The following DIPK1B variants were observed in gnomAD, a reference collection of about 807,000 sequenced individuals.
The protein encoded by DIPK1B is divergent protein kinase domain 1B, also known as family with sequence similarity 69 member B.
In DIPK1B, 17 loss-of-function variants were observed where a neutral mutation model predicts 20.7. That is an observed-to-expected ratio of 0.82 (90% CI 0.56 to 1.23). DIPK1B has a LOEUF of 1.23. DIPK1B is among the 50% of genes most tolerant of loss of function. DIPK1B has a pLI of 0.00. For missense variants in DIPK1B, 648 were observed against 601.8 expected (o/e 1.08, Z -0.80); for synonymous variants, 343 against 276.5 (o/e 1.24, Z -2.39).
In DIPK1B at chr9:136,723,935, C is replaced by T; in HGVS notation, c.*161C>T. ...GATTCCAGCACCACAGACATGAGAC[C>T]CCAGCTCGGAGCAAAGGCGGACATG... On this transcript the variant is annotated 3_prime_UTR_variant, in exon 5 of 5. Transcript: ENST00000371692. The T allele has an allele frequency of 1.3e-6, 1 of 749,770 alleles. No individual in the cohort carries two copies. Among genetic ancestry groups the T allele is most frequent in the South Asian group, 1.9e-5 (1 of 53,780 alleles). The allele number at this position is 749,770 out of a possible 1,614,324, so 46.4% of individuals were successfully genotyped here. A position where few individuals can be genotyped will look rare whatever the true frequency, so the allele number is the denominator to read the frequency against.
chr9:136,724,102 G>T lies in DIPK1B; in HGVS notation c.*328G>T. On this transcript the variant is annotated 3_prime_UTR_variant, in exon 5 of 5. Coordinates refer to ENST00000371692, the MANE Select transcript of DIPK1B (RefSeq NM_152421.4). ...GTGTGGGACCCTTCGCCCCGCTGTGGATCCACCCAGCCCAGGCACTCAGGC... is the reference window on the plus strand; with the variant it reads ...GTGTGGGACCCTTCGCCCCGCTGTGTATCCACCCAGCCCAGGCACTCAGGC... The T allele has an allele frequency of 3.1e-6, 1 of 326,010 alleles. No homozygotes were observed. Among genetic ancestry groups the T allele is most frequent in the Non-Finnish European group, 5.8e-6 (1 of 172,722 alleles). 20.2% of individuals were successfully genotyped at this position (326,010 alleles called of 1,614,324 possible).
chr9:136,723,067 G>A lies in DIPK1B; in HGVS notation c.589G>A (p.Val197Met), dbSNP rs150233867. The stretch of plus-strand genomic sequence containing the variant: ...GGTGTCCCTGGCGGAAGCCAAGTCC[G>A]TGTGGGCCCTGCTGCAGCGTAACGA... ...NRVSLAEAKS[V>M]WALLQRNEFL... The change falls in exon 5 of 5, where the codon GTG (valine) becomes ATG (methionine). Residue 197 changes from valine (V) to methionine (M), a missense_variant. By Grantham distance (21) the Val-to-Met change is conservative. Coordinates refer to ENST00000371692, the MANE Select transcript of DIPK1B (RefSeq NM_152421.4). 5.6e-5 allele frequency: 90 copies of A among 1,613,458 alleles called. No homozygotes were observed. Among genetic ancestry groups the A allele is most frequent in the Admixed American group, 1.5e-4 (9 of 60,008 alleles).
chr9:136,720,064 G>C (rs1430826029), intron 2 of DIPK1B, among the ~76,000 whole-genome samples: 1 of 151,370 alleles, frequency 6.6e-6, no homozygotes, highest in Non-Finnish European at 1.5e-5. Context: ...GGGTGCAGGG[G>C]GCTGGTCTGG....
intron 2 of DIPK1B, among the ~76,000 whole-genome samples, 196 bp downstream of exon 2, chr9:136,717,907 C>G (rs564658550): frequency 3.8e-4 from 38 of 99,772 alleles, no homozygotes; most frequent in African/African-American, 1.4e-3. Context: ...GGGAGACGTG[C>G]GGGGCTGCCT....
intron 2 of DIPK1B, among the ~76,000 whole-genome samples, chr9:136,720,478 C>T (rs113446810): frequency 2.0e-5 from 3 of 152,106 alleles, no homozygotes; most frequent in Non-Finnish European, 2.9e-5. Flanking sequence ...TCTCCCCCCC[C>T]CAGAGGGGCG....
chr9:136,713,418 C>T (rs1483138793), intron 1 of DIPK1B, among the ~76,000 whole-genome samples: 1 of 152,222 alleles, frequency 6.6e-6, no homozygotes, highest in Admixed American at 6.5e-5. Flanking sequence ...ATCTCCCCGG[C>T]CCCCGCAGGG....
intron 2 of DIPK1B, among the ~76,000 whole-genome samples, chr9:136,718,733 C>A (rs1451432366): frequency 5.3e-5 from 8 of 152,318 alleles, no homozygotes. Flanking sequence ...TCGGTGTCTC[C>A]TCCGTCAGAT....
At chr9:136,713,770 G>A (rs1156925063) in intron 1 of DIPK1B, among the ~76,000 whole-genome samples, 1 of 152,236 alleles carries the variant, frequency 6.6e-6, no homozygotes, top group Non-Finnish European at 1.5e-5. Flanking sequence ...CTGCTCCCAG[G>A]GTGGCTGGCT....
chr9:136,723,432 G>A lies in DIPK1B; in HGVS notation c.954G>A (p.Gln318=). The A allele has an allele frequency of 1.2e-6, 2 of 1,612,154 alleles. No homozygotes were observed. The highest frequency in any genetic ancestry group is 1.7e-6 in the Non-Finnish European group (2 of 1,179,396). Residue 318 remains glutamine, a synonymous_variant, in exon 5 of 5, where the codon CAG becomes CAA. Transcript: ENST00000371692. ...ACTTCAAGATGGCCGACCTGCAGCA[G>A]GTGGCACCCGAGGCCACCGTGCGCC... The part of the protein sequence containing the change: ...TYDFKMADLQ[Q]VAPEATVRRF...
rs1360503985 is a variant in DIPK1B at position 136,721,536 on chromosome 9, A to G, written c.199-385A>G. 4 of 225,830 alleles carry G rather than the reference A, an allele frequency of 1.8e-5. 1 individual carries two copies. The South Asian group carries it at 2.1e-4, about 12-fold the overall frequency. 14.0% of individuals were successfully genotyped at this position (225,830 alleles called of 1,614,324 possible). A position where few individuals can be genotyped will look rare whatever the true frequency, so the allele number is the denominator to read the frequency against. Reference sequence around the variant, plus strand: ...AGTGTGAATTCTAGTTCACCGGCCAATGCCTGGATGGTCCAGAGCTGGGTC... The same window carrying G: ...AGTGTGAATTCTAGTTCACCGGCCAGTGCCTGGATGGTCCAGAGCTGGGTC... On this transcript the variant is annotated intron_variant, in intron 2 of 4. Coordinates refer to ENST00000371692, the MANE Select transcript of DIPK1B (RefSeq NM_152421.4).
At position 136,717,621 on chromosome 9, in the gene DIPK1B, GCTGGGCGT is replaced by G. The variant is rs1342487620; in HGVS notation, c.111_118del (p.Gly38CysfsTer28). The G allele has an allele frequency of 6.2e-7, 1 of 1,604,320 alleles. No homozygotes were observed. The highest frequency in any genetic ancestry group is 8.5e-7 in the Non-Finnish European group (1 of 1,179,926). On this transcript the variant is annotated frameshift_variant, in exon 2 of 5. Coordinates refer to ENST00000371692, the MANE Select transcript of DIPK1B (RefSeq NM_152421.4). LOFTEE classifies it high-confidence loss of function. ...GGGTCCGCTGCATCTTCCTGGCCTG[GCTGGGCGT>G]CTTTGCAGGCAGCTGGCTGGTGTAC... is the stretch of plus-strand genomic sequence containing the variant.
At chr9:136,719,546 C>T (rs11145844) in intron 2 of DIPK1B, among the ~76,000 whole-genome samples, 13,913 of 152,320 alleles carry the variant, frequency 0.091, 727 homozygotes, top group Non-Finnish European at 0.12. Flanking sequence ...AGAACTAGAC[C>T]GTGAGTCCCC....
At position 136,723,481 on chromosome 9, in the gene DIPK1B, G is replaced by C. The variant is rs775284410; in HGVS notation, c.1003G>C (p.Glu335Gln). 15 of 1,610,228 alleles carry C rather than the reference G, an allele frequency of 9.3e-6. No individual in the cohort carries two copies. The highest frequency in any genetic ancestry group is 1.3e-5 in the Non-Finnish European group (15 of 1,178,560). The change falls in exon 5 of 5, where the codon GAG becomes CAG. Residue 335 changes from glutamate (E) to glutamine (Q), a missense_variant. Glu to Gln is a conservative substitution (Grantham distance 29). Transcript: ENST00000371692. ...VRRFLQGRRC[E>Q]HSTDCTYGRD... ...CCGCTTCCTGCAGGGCCGCCGCTGC[G>C]AGCACAGCACCGACTGCACCTACGG...
intron 1 of DIPK1B, among the ~76,000 whole-genome samples, chr9:136,713,356 C>A (rs1002305670): frequency 6.6e-6 from 1 of 152,218 alleles, no homozygotes; most frequent in Non-Finnish European, 1.5e-5. Context: ...CCCAGACCCT[C>A]CAGGACCCCA....
At position 136,723,934 on chromosome 9, in the gene DIPK1B, C is replaced by T; in HGVS notation, c.*160C>T. ...GGATTCCAGCACCACAGACATGAGA[C>T]CCCAGCTCGGAGCAAAGGCGGACAT... On this transcript the variant is annotated 3_prime_UTR_variant, in exon 5 of 5. Coordinates refer to ENST00000371692, the MANE Select transcript of DIPK1B (RefSeq NM_152421.4). 1 of 756,790 alleles carries T rather than the reference C, an allele frequency of 1.3e-6. No individual in the cohort carries two copies. Among genetic ancestry groups the T allele is most frequent in the Non-Finnish European group, 2.1e-6 (1 of 479,440 alleles). 46.9% of individuals were successfully genotyped at this position (756,790 alleles called of 1,614,324 possible).
intron 1 of DIPK1B, among the ~76,000 whole-genome samples, chr9:136,714,407 G>A (rs555005037): frequency 3.9e-5 from 6 of 152,308 alleles, no homozygotes; most frequent in African/African-American, 9.6e-5. Context: ...AAGCCCAGTC[G>A]GGGCTCTGGG....
rs1046161455 is a variant in DIPK1B at position 136,712,761 on chromosome 9, G to T, written c.63+33G>T. The T allele has an allele frequency of 6.1e-6, 8 of 1,303,858 alleles. No homozygotes were observed. The highest frequency in any genetic ancestry group is 6.8e-6 in the Non-Finnish European group (7 of 1,028,296). 80.8% of individuals were successfully genotyped at this position (1,303,858 alleles called of 1,614,324 possible). The stretch of plus-strand genomic sequence containing the variant: ...CGGTGCGCGCCCGCCGCCCCCGGCC[G>T]CCTCTGCCTGGGGAGGCCGAGCTCC... On this transcript the variant is annotated intron_variant, in intron 1 of 4. Transcript: ENST00000371692. This position sits in a 1 kb window ranked among gnomAD's most constrained non-coding sequence, Gnocchi z 5.6.
chr9:136,716,857 C>T lies in DIPK1B; in HGVS notation c.64-720C>T, dbSNP rs992172885. Among the ~76,000 whole-genome samples the T allele has an allele frequency of 5.3e-5, 8 of 152,158 alleles. No individual in the cohort carries two copies. In the South Asian group the frequency reaches 6.2e-4, roughly 12 times the overall value. On this transcript the variant is annotated intron_variant, in intron 1 of 4. Transcript: ENST00000371692. ...GGAAAAATAGGGGCAGTGTCTCTCG[C>T]GGTGGGCGCGCTCACCTGGCCTTGT... is the stretch of plus-strand genomic sequence containing the variant.
rs1283701818 is a variant in DIPK1B, at chr9:136,723,465, G to T, written c.987G>T (p.Leu329=). 1.2e-6 allele frequency: 2 copies of T among 1,610,358 alleles called. No individual in the cohort carries two copies. Among genetic ancestry groups the T allele is most frequent in the Non-Finnish European group, 1.7e-6 (2 of 1,178,842 alleles). ...VAPEATVRRF[L]QGRRCEHSTD... ...CCGAGGCCACCGTGCGCCGCTTCCT[G>T]CAGGGCCGCCGCTGCGAGCACAGCA... Residue 329 remains leucine, a synonymous_variant, in exon 5 of 5, where the codon CTG becomes CTT. Transcript: ENST00000371692.
Sources: gnomAD v4.1 joint callset for allele counts (sites outside exome capture counted in the v4.1 genomes callset) on GRCh38, gnomAD v4.1.1 for gene constraint, Gnocchi (gnomAD v3.1) non-coding constraint, MANE v1.5 for transcripts, NCBI Gene and HGNC (gene_info 2026-07-23, HGNC 2026-07-21) for gene names.